The following NAALADL2 variants were observed in gnomAD, a reference collection of about 807,000 sequenced individuals.
NAALADL2 encodes N-acetylated alpha-linked acidic dipeptidase like 2.
In NAALADL2, 76 loss-of-function variants were observed where a neutral mutation model predicts 87.2. The observed-to-expected ratio is 0.87, with a 90% CI of 0.72 to 1.05. The LOEUF is 1.05. NAALADL2 is among the 50% of genes least tolerant of loss of function. The pLI, the probability that NAALADL2 is intolerant of heterozygous loss-of-function variation, is 0.00. For synonymous variants in NAALADL2, 354 were observed against 331.0 expected (o/e 1.07, Z -0.75); for missense variants, 1,089 against 945.8 (o/e 1.15, Z -1.99).
Position 175,362,622 on chromosome 3 carries a change from A to C in NAALADL2, c.1090+38297A>C, listed in dbSNP as rs1581583877. Among the ~76,000 whole-genome samples, 3 of 148,272 alleles carry C rather than the reference A, an allele frequency of 2.0e-5. 1 individual carries two copies. In the East Asian group the frequency reaches 5.9e-4, roughly 29 times the overall value. ...GCTGGTTCCATATTTTTGCAATTGCAAATTTTACTGCTATAAACATGCATG... is the reference window on the plus strand; with the variant it reads ...GCTGGTTCCATATTTTTGCAATTGCCAATTTTACTGCTATAAACATGCATG... On this transcript the variant is annotated intron_variant, in intron 5 of 13. Transcript: ENST00000454872.
At chr3:175,312,459 A>C (rs76707215) in intron 4 of NAALADL2, among the ~76,000 whole-genome samples, 1 of 151,186 alleles carries the variant, frequency 6.6e-6, no homozygotes, top group African/African-American at 2.4e-5. Context: ...TTTTTTTTTA[A>C]CCATCTAAAT....
chr3:174,784,452 A>T (rs1716357841), intron 3 of NAALADL2, among the ~76,000 whole-genome samples: 1 of 152,202 alleles, frequency 6.6e-6, no homozygotes, highest in African/African-American at 2.4e-5. Context: ...AAACAGAATC[A>T]TTCATGGTCT....
Position 174,957,342 on chromosome 3 carries a change from C to T in NAALADL2, c.43+97892C>T, listed in dbSNP as rs547249325. Among the ~76,000 whole-genome samples, 180 of 152,150 alleles carry T rather than the reference C, an allele frequency of 1.2e-3. 1 individual carries two copies. The highest frequency in any genetic ancestry group is 4.2e-3 in the African/African-American group (174 of 41,546). Reference sequence around the variant, plus strand: ...GAGTAAAACAACAAATCAAGCCCCTCTTCCTCACTGCAGGCTAGTTAGCCT... The same window carrying T: ...GAGTAAAACAACAAATCAAGCCCCTTTTCCTCACTGCAGGCTAGTTAGCCT... On this transcript the variant is annotated intron_variant, in intron 1 of 13. Coordinates refer to ENST00000454872, the MANE Select transcript of NAALADL2 (RefSeq NM_207015.3).
At chr3:175,697,817 GTATACATATATATGTGTATT>G (rs1243648880) in intron 11 of NAALADL2, among the ~76,000 whole-genome samples, 3 of 104,170 alleles carry the variant, frequency 2.9e-5, no homozygotes, top group African/African-American at 7.1e-5. Context: ...ATTTATGTAT[GTATACATATATATGTGTATT>G]TATGTATACA....
chr3:175,047,842 C>G (rs193183309), intron 1 of NAALADL2, among the ~76,000 whole-genome samples: 70 of 152,326 alleles, frequency 4.6e-4, no homozygotes, highest in African/African-American at 1.6e-3. Flanking sequence ...CATATATTCA[C>G]AACTGGCAAA....
At chr3:174,538,238 C>A (rs898933808) in intron 1 of NAALADL2, among the ~76,000 whole-genome samples, 1 of 152,022 alleles carries the variant, frequency 6.6e-6, no homozygotes, top group Admixed American at 6.6e-5. Context: ...ATTCTAAGTC[C>A]CCAGCCAATT....
intron 1 of NAALADL2, among the ~76,000 whole-genome samples, chr3:175,070,289 T>G (rs1715382991): frequency 6.6e-6 from 1 of 150,768 alleles, no homozygotes; most frequent in Non-Finnish European, 1.5e-5. Flanking sequence ...TAAATTTTTA[T>G]TTTTAGGATT....
intron 2 of NAALADL2, among the ~76,000 whole-genome samples, chr3:175,139,924 C>T (rs762683671): frequency 5.9e-5 from 9 of 151,866 alleles, no homozygotes; most frequent in Non-Finnish European, 1.2e-4. Context: ...TTATATAGCG[C>T]TAATTGGGTG....
chr3:175,385,587 T>G (rs551728116), intron 5 of NAALADL2, among the ~76,000 whole-genome samples: 2 of 152,232 alleles, frequency 1.3e-5, no homozygotes, highest in South Asian at 2.1e-4. Flanking sequence ...ATAGTTAACA[T>G]TAATCAATTG....
intron 2 of NAALADL2, among the ~76,000 whole-genome samples, chr3:174,588,745 C>T (rs1447575366): frequency 6.6e-6 from 1 of 152,148 alleles, no homozygotes; most frequent in Non-Finnish European, 1.5e-5. Flanking sequence ...GAAGCTTCGT[C>T]TCAGAGGGGC....
At chr3:174,629,745 AT>A (rs1391063426) in intron 2 of NAALADL2, among the ~76,000 whole-genome samples, 1 of 152,094 alleles carries the variant, frequency 6.6e-6, no homozygotes, top group Non-Finnish European at 1.5e-5. Flanking sequence ...GGGCTTAGCT[AT>A]TTCTTCCTTC....
chr3:174,882,129 G>A (rs1258454846), intron 1 of NAALADL2, among the ~76,000 whole-genome samples: 1 of 151,856 alleles, frequency 6.6e-6, no homozygotes, highest in African/African-American at 2.4e-5. Context: ...TTCCACTTAC[G>A]TTAAGTAAGA....
At chr3:174,448,345 T>G (rs1715215156) in intron 1 of NAALADL2, among the ~76,000 whole-genome samples, 1 of 152,164 alleles carries the variant, frequency 6.6e-6, no homozygotes, top group African/African-American at 2.4e-5. Context: ...AATCAAGATA[T>G]AAAGCTATTT....
At chr3:175,759,791 G>A (rs554404141) in intron 13 of NAALADL2, among the ~76,000 whole-genome samples, 23 of 152,298 alleles carry the variant, frequency 1.5e-4, no homozygotes, top group African/African-American at 5.1e-4. Flanking sequence ...TGGTGTGCTC[G>A]AGAGTGAAGT....
intron 5 of NAALADL2, among the ~76,000 whole-genome samples, chr3:175,340,999 G>GTT (rs574283868): frequency 1.4e-5 from 2 of 145,878 alleles, no homozygotes; most frequent in Non-Finnish European, 3.0e-5. Context: ...TTCAACTAAG[G>GTT]TTTTTTTTTT....
chr3:175,442,237 G>A (rs1004430799), intron 5 of NAALADL2, among the ~76,000 whole-genome samples: 10 of 151,956 alleles, frequency 6.6e-5, no homozygotes, highest in Non-Finnish European at 1.3e-4. Context: ...GAGCCACCAC[G>A]CCTGGCCAAC....
At chr3:175,706,508 G>C (rs1033076574) in intron 11 of NAALADL2, among the ~76,000 whole-genome samples, 8 of 152,216 alleles carry the variant, frequency 5.3e-5, no homozygotes, top group Admixed American at 4.6e-4. Flanking sequence ...ATATTGTACT[G>C]TTCTCACCTA....
At chr3:175,556,797 T>G (rs1026904193) in intron 9 of NAALADL2, among the ~76,000 whole-genome samples, 2 of 152,246 alleles carry the variant, frequency 1.3e-5, no homozygotes, top group Non-Finnish European at 2.9e-5. Context: ...ATTTCTCTAA[T>G]CTCTTATCCC....
At position 175,032,858 on chromosome 3, in the gene NAALADL2, GT is replaced by G. The variant is rs893421412; in HGVS notation, c.44-63928del. 9.8e-4 allele frequency among the ~76,000 whole-genome samples: 149 copies of G among 152,028 alleles called. 1 individual carries two copies. Among genetic ancestry groups the G allele is most frequent in the African/African-American group, 3.4e-3 (141 of 41,506 alleles). Reference sequence around the variant, plus strand: ...CACATTTGGGCATAAAGTGGATGGAGTTTTATTTTTTCCAATCACTGCTTTC... The same window carrying G: ...CACATTTGGGCATAAAGTGGATGGAGTTTATTTTTTCCAATCACTGCTTTC... On this transcript the variant is annotated intron_variant, in intron 1 of 13. Coordinates refer to ENST00000454872, the MANE Select transcript of NAALADL2 (RefSeq NM_207015.3).
Sources: gnomAD v4.1 joint callset for allele counts (sites outside exome capture counted in the v4.1 genomes callset) on GRCh38, gnomAD v4.1.1 for gene constraint, MANE v1.5 for transcripts, NCBI Gene and HGNC (gene_info 2026-07-23, HGNC 2026-07-21) for gene names.